The following RFX6 variants were observed in gnomAD, a reference collection of about 807,000 sequenced individuals.
The protein encoded by RFX6 is DNA-binding protein RFX6.
RFX6 carries 50 observed loss-of-function variants against 110.8 expected under a neutral mutation model. The ratio of observed to expected loss-of-function variants is 0.45; its 90% confidence interval spans 0.36 to 0.57. The LOEUF is 0.57. Among genes scored for constraint, RFX6 ranks in the 20% least tolerant of loss-of-function variants. The pLI is 0.00. For synonymous variants in RFX6, 383 were observed against 411.2 expected (o/e 0.93, Z 0.83); for missense variants, 990 against 1,127.0 (o/e 0.88, Z 1.74).
chr6:116,886,166 A>C (rs552415810), intron 4 of RFX6, among the ~76,000 whole-genome samples: 2 of 152,276 alleles, frequency 1.3e-5, no homozygotes, highest in South Asian at 4.1e-4. Context: ...TTGTTGAATT[A>C]TTTAAAAAAT....
chr6:116,927,047 A>G lies in RFX6; in HGVS notation c.1906A>G (p.Ile636Val). The G allele has an allele frequency of 6.2e-7, 1 of 1,614,102 alleles. No individual in the cohort carries two copies. Among genetic ancestry groups the G allele is most frequent in the Non-Finnish European group, 8.5e-7 (1 of 1,179,958 alleles). ...PLTGQMELSQIAGHLMTPPIS... is the reference protein window; with the variant it reads ...PLTGQMELSQVAGHLMTPPIS... Reference sequence around the variant, plus strand: ...TCCAGGTCAAATGGAGCTTTCACAGATTGCTGGTCATCTGATGACACCACC... The same window carrying G: ...TCCAGGTCAAATGGAGCTTTCACAGGTTGCTGGTCATCTGATGACACCACC... The change falls in exon 17 of 19, where the codon ATT (isoleucine) becomes GTT (valine). Residue 636 changes from isoleucine (I) to valine (V), a missense_variant. Ile to Val is a conservative substitution (Grantham distance 29, BLOSUM62 3). Transcript: ENST00000332958.
At chr6:116,909,735 CTTTTTTTTTTT>C (rs59264999) in intron 6 of RFX6, among the ~76,000 whole-genome samples, 7 of 67,358 alleles carry the variant, frequency 1.0e-4, no homozygotes, top group South Asian at 5.9e-4. Context: ...TCATTTAAAT[CTTTTTTTTTTT>C]TTTTTTTTTT....
chr6:116,925,703 AGCCTGTT>A (rs777331671), intron 16 of RFX6, 44 bp downstream of exon 16: 1 of 1,360,560 alleles, frequency 7.3e-7, no homozygotes, highest in Non-Finnish European at 1.0e-6. Context: ...ATCTCAGAGA[AGCCTGTT>A]GCTTCATTTT....
chr6:116,896,756 A>G (rs1376842592), intron 6 of RFX6, among the ~76,000 whole-genome samples: 1 of 152,186 alleles, frequency 6.6e-6, no homozygotes, highest in African/African-American at 2.4e-5. Flanking sequence ...TGGTGTGCTC[A>G]GACATGACTT....
At position 116,931,711 on chromosome 6, in the gene RFX6, G is replaced by A; in HGVS notation, c.*205G>A. ...CATGCACACTAAGAGTTTAAAATGTGAGCTCATTATTAATCATAGTTTCAA... is the reference window on the plus strand; with the variant it reads ...CATGCACACTAAGAGTTTAAAATGTAAGCTCATTATTAATCATAGTTTCAA... On this transcript the variant is annotated 3_prime_UTR_variant, in exon 19 of 19. Coordinates refer to ENST00000332958, the MANE Select transcript of RFX6 (RefSeq NM_173560.4). 1 of 496,560 alleles carries A rather than the reference G, an allele frequency of 2.0e-6. No homozygotes were observed. The highest frequency in any genetic ancestry group is 3.2e-5 in the East Asian group (1 of 31,556). 30.8% of individuals were successfully genotyped at this position (496,560 alleles called of 1,614,324 possible). A position where few individuals can be genotyped will look rare whatever the true frequency, so the allele number is the denominator to read the frequency against.
chr6:116,905,622 G>A (rs934015984), intron 6 of RFX6, among the ~76,000 whole-genome samples: 4 of 149,996 alleles, frequency 2.7e-5, no homozygotes, highest in South Asian at 4.2e-4. Context: ...GTGCAGTCTC[G>A]GCTCACTGCA....
intron 6 of RFX6, among the ~76,000 whole-genome samples, chr6:116,902,299 G>A (rs999562434): frequency 2.0e-5 from 3 of 151,358 alleles, no homozygotes; most frequent in Admixed American, 6.6e-5. Flanking sequence ...ATGGTAAGTG[G>A]GTATTTATTA....
rs1019601852 is a variant in RFX6, at chr6:116,880,588, G to A, written c.425G>A (p.Arg142Gln). ...YIVCEGVCLP[R>Q]CILYAHYLDF... ...GTATGTGAAGGAGTTTGCTTACCACGGTGCATTCTTTATGCACACTACTTA... is the reference window on the plus strand; with the variant it reads ...GTATGTGAAGGAGTTTGCTTACCACAGTGCATTCTTTATGCACACTACTTA... The change falls in exon 3 of 19, where the codon CGG (arginine) becomes CAG (glutamine). Residue 142 changes from arginine (R) to glutamine (Q), a missense_variant. By Grantham distance (43) the Arg-to-Gln change is conservative. This residue lies in a region of RFX6 where 243 missense variants were observed against 353.1 expected (regional missense o/e 0.69). Transcript: ENST00000332958. The A allele has an allele frequency of 3.7e-6, 6 of 1,612,710 alleles. No homozygotes were observed. The highest frequency in any genetic ancestry group is 1.7e-5 in the Admixed American group (1 of 59,946).
chr6:116,905,446 T>G (rs1775177446), intron 6 of RFX6, among the ~76,000 whole-genome samples: 1 of 152,218 alleles, frequency 6.6e-6, no homozygotes, highest in Admixed American at 6.5e-5. Context: ...TATTAATCCC[T>G]TATGAAACAT....
At chr6:116,892,343 C>A (rs1163009783) in intron 4 of RFX6, among the ~76,000 whole-genome samples, 2 of 152,148 alleles carry the variant, frequency 1.3e-5, no homozygotes, top group African/African-American at 4.8e-5. Context: ...GGCAGGGAGT[C>A]CATAGCCTGA....
intron 6 of RFX6, among the ~76,000 whole-genome samples, chr6:116,906,852 G>GTTT (rs201051501): frequency 1.7e-5 from 2 of 117,578 alleles, no homozygotes; most frequent in South Asian, 2.8e-4. Flanking sequence ...GATGCCTTGT[G>GTTT]TTTTTTTGTT....
chr6:116,909,733 A>ATTTTTTTTT (rs1406020359), intron 6 of RFX6, among the ~76,000 whole-genome samples: 3 of 127,342 alleles, frequency 2.4e-5, no homozygotes, highest in African/African-American at 9.9e-5. Context: ...GCTCATTTAA[A>ATTTTTTTTT]TCTTTTTTTT....
chr6:116,920,802 T>C (rs1425601336), intron 12 of RFX6, among the ~76,000 whole-genome samples: 1 of 152,232 alleles, frequency 6.6e-6, no homozygotes, highest in Non-Finnish European at 1.5e-5. Context: ...AAAAGTCATC[T>C]GTAATTTCAT....
At chr6:116,913,594 A>C (rs1358506545) in intron 7 of RFX6, among the ~76,000 whole-genome samples, 1 of 152,222 alleles carries the variant, frequency 6.6e-6, no homozygotes, top group East Asian at 1.9e-4. Context: ...TAAAGAATGC[A>C]AAGTACACTG....
Position 116,931,456 on chromosome 6 carries a change from T to C in RFX6, c.2737T>C (p.Leu913=). The C allele has an allele frequency of 6.2e-7, 1 of 1,613,618 alleles. No homozygotes were observed. The highest frequency in any genetic ancestry group is 8.5e-7 in the Non-Finnish European group (1 of 1,179,586). ...GTSSREMVSS[L]PPINTVFMGT... is the part of the protein sequence containing the mutation. ...AAGCAGTAGAGAAATGGTGTCCTCTTTACCACCTATCAACACTGTGTTCAT... is the reference window on the plus strand; with the variant it reads ...AAGCAGTAGAGAAATGGTGTCCTCTCTACCACCTATCAACACTGTGTTCAT... Residue 913 remains leucine, a synonymous_variant, in exon 19 of 19, where the codon TTA becomes CTA. Transcript: ENST00000332958.
At chr6:116,891,841 G>A (rs772895060) in intron 4 of RFX6, among the ~76,000 whole-genome samples, 23 of 152,166 alleles carry the variant, frequency 1.5e-4, no homozygotes, top group Non-Finnish European at 2.6e-4. Context: ...GACATACTCA[G>A]TTTAGTATTT....
At chr6:116,898,364 C>T (rs981511902) in intron 6 of RFX6, among the ~76,000 whole-genome samples, 2 of 152,096 alleles carry the variant, frequency 1.3e-5, no homozygotes, top group African/African-American at 2.4e-5. Context: ...GGGTCTCACT[C>T]TGTCACCCAG....
intron 6 of RFX6, among the ~76,000 whole-genome samples, chr6:116,906,860 G>GT (rs34715737): frequency 0.084 from 11,525 of 137,080 alleles, 629 homozygotes; most frequent in Non-Finnish European, 0.11. Context: ...GTGTTTTTTT[G>GT]TTTTTTTTTT....
chr6:116,908,804 A>G (rs1775270338), intron 6 of RFX6, among the ~76,000 whole-genome samples: 1 of 152,098 alleles, frequency 6.6e-6, no homozygotes, highest in African/African-American at 2.4e-5. Flanking sequence ...TATATAATAT[A>G]CAGCATTCTC....
Sources: allele counts gnomAD v4.1 joint callset (sites outside exome capture counted in the v4.1 genomes callset), GRCh38; gene constraint gnomAD v4.1.1; regional missense constraint gnomAD v4.1.1; transcripts MANE v1.5; gene names NCBI Gene and HGNC (gene_info 2026-07-23, HGNC 2026-07-21).